Variants in TRIO observed in about 807,000 individuals in gnomAD.
The protein encoded by TRIO is triple functional domain protein.
TRIO carries 58 observed loss-of-function variants against 351.9 expected under a neutral mutation model. The ratio of observed to expected loss-of-function variants is 0.16; its 90% CI spans 0.13 to 0.21. The LOEUF is 0.21. Among genes scored for constraint, TRIO ranks in the 10% least tolerant of loss-of-function variants. The pLI is 1.00. For missense variants in TRIO, 3,201 were observed against 4,027.8 expected, an observed-to-expected ratio of 0.79 and a Z score of 5.56; for synonymous variants, 1,758 against 1,595.7, an observed-to-expected ratio of 1.10 and a Z score of -2.42.
At chr5:14,471,048 T>C (rs1754643958) in intron 37 of TRIO, among the ~76,000 whole-genome samples, 1 of 152,260 alleles carries the variant, frequency 6.6e-6, no homozygotes, top group African/African-American at 2.4e-5. Flanking sequence ...ACATTTCTAC[T>C]TGTTTGATAA....
At chr5:14,353,397 G>A (rs1318707625) in intron 11 of TRIO, among the ~76,000 whole-genome samples, 1 of 151,736 alleles carries the variant, frequency 6.6e-6, no homozygotes, top group Non-Finnish European at 1.5e-5. Context: ...CAAGTAGCTG[G>A]GACTACATGT....
intron 1 of TRIO, among the ~76,000 whole-genome samples, chr5:14,232,954 C>T (rs1465791972): frequency 6.6e-6 from 1 of 152,170 alleles, no homozygotes; most frequent in Admixed American, 6.5e-5. Flanking sequence ...TGTAACTAAA[C>T]AAGCTCCATG....
In TRIO at chr5:14,492,812, C is replaced by G. The variant is rs777241013; in HGVS notation, c.7878C>G (p.Leu2626=). ...AVIVENPDGT[L]KKSTSWHTAL... ...TCGTGGAGAACCCGGACGGGACTCT[C>G]AAGTGAGTGCTTGACAGTAACGGCG... Residue 2626 remains leucine (L), a splice_region_variant and synonymous_variant, in exon 49 of 57, where the codon CTC becomes CTG. Transcript: ENST00000344204. The G allele has an allele frequency of 1.9e-6, 3 of 1,613,124 alleles. No individual in the cohort carries two copies. The highest frequency in any genetic ancestry group is 1.7e-6 in the Non-Finnish European group (2 of 1,179,478).
intron 8 of TRIO, among the ~76,000 whole-genome samples, chr5:14,307,549 G>A (rs1204050943): frequency 6.6e-6 from 1 of 152,186 alleles, no homozygotes; most frequent in Non-Finnish European, 1.5e-5. Flanking sequence ...GTCCTTCTCT[G>A]GGTGTCATCA....
At chr5:14,167,523 GA>G (rs34959941) in intron 1 of TRIO, among the ~76,000 whole-genome samples, 1 of 152,138 alleles carries the variant, frequency 6.6e-6, no homozygotes, top group African/African-American at 2.4e-5. Flanking sequence ...TCTTGTTAAA[GA>G]AAAAGTATTT....
intron 34 of TRIO, among the ~76,000 whole-genome samples, chr5:14,444,649 A>G (rs1442272546): frequency 2.6e-5 from 4 of 152,226 alleles, no homozygotes; most frequent in Admixed American, 2.6e-4. Flanking sequence ...TCCAAAATCT[A>G]CATTGAAGGT....
intron 7 of TRIO, among the ~76,000 whole-genome samples, chr5:14,304,059 A>C (rs1738153127): frequency 6.6e-6 from 1 of 152,168 alleles, no homozygotes; most frequent in African/African-American, 2.4e-5. Flanking sequence ...ATTGAGCCCT[A>C]GTTAAGGGGC....
intron 4 of TRIO, among the ~76,000 whole-genome samples, chr5:14,287,952 T>A (rs1018204325): frequency 2.0e-5 from 3 of 152,250 alleles, no homozygotes; most frequent in Non-Finnish European, 4.4e-5. Context: ...GTTATAATGC[T>A]ATACTTTTCA....
At chr5:14,228,403 G>A (rs1044392049) in intron 1 of TRIO, among the ~76,000 whole-genome samples, 6 of 152,232 alleles carry the variant, frequency 3.9e-5, no homozygotes, top group East Asian at 1.9e-4. Context: ...TTCAGAGTGC[G>A]TATTAGGAAT....
chr5:14,282,561 A>C (rs909179090), intron 3 of TRIO, among the ~76,000 whole-genome samples: 3 of 149,332 alleles, frequency 2.0e-5, no homozygotes, highest in Non-Finnish European at 4.4e-5. Flanking sequence ...TGGATGACCC[A>C]CTTTAAAAAA....
At chr5:14,195,897 G>T (rs1164363411) in intron 1 of TRIO, among the ~76,000 whole-genome samples, 1 of 152,090 alleles carries the variant, frequency 6.6e-6, no homozygotes, top group Non-Finnish European at 1.5e-5. Flanking sequence ...CAGTGTGGGG[G>T]TGGGGAGAGG....
At chr5:14,284,915 G>T (rs750765814) in intron 3 of TRIO, among the ~76,000 whole-genome samples, 3 of 152,172 alleles carry the variant, frequency 2.0e-5, no homozygotes, top group African/African-American at 7.2e-5. Context: ...CCGGGCACCT[G>T]CCTCTTCCTG....
chr5:14,205,858 G>A (rs1390907572), intron 1 of TRIO, among the ~76,000 whole-genome samples: 1 of 151,266 alleles, frequency 6.6e-6, no homozygotes, highest in African/African-American at 2.4e-5. Flanking sequence ...TCAGCCTCCC[G>A]AATAGCTGGA....
intron 46 of TRIO, among the ~76,000 whole-genome samples, chr5:14,484,305 G>A (rs1466371511): frequency 1.3e-5 from 2 of 152,096 alleles, no homozygotes; most frequent in East Asian, 3.8e-4. Flanking sequence ...TTGTTTAATG[G>A]TGTCATTTAC....
chr5:14,339,298 CA>C (rs1741720991), intron 11 of TRIO, among the ~76,000 whole-genome samples: 1 of 152,174 alleles, frequency 6.6e-6, no homozygotes, highest in Non-Finnish European at 1.5e-5. Flanking sequence ...TTTGTAACAG[CA>C]GTGTTTTTAA....
intron 2 of TRIO, among the ~76,000 whole-genome samples, chr5:14,279,765 A>G (rs1229993847): frequency 1.3e-5 from 2 of 152,218 alleles, no homozygotes; most frequent in South Asian, 2.1e-4. Context: ...TCTCACATGC[A>G]TGTGTGTGGT....
chr5:14,367,133 C>T (rs1212910280), intron 16 of TRIO, among the ~76,000 whole-genome samples, 154 bp downstream of exon 16: 2 of 152,094 alleles, frequency 1.3e-5, no homozygotes, highest in African/African-American at 4.8e-5. Flanking sequence ...TCTAAGTCTG[C>T]AGCTGATTAC....
At chr5:14,318,521 T>C (rs1162849994) in intron 9 of TRIO, among the ~76,000 whole-genome samples, 2 of 152,086 alleles carry the variant, frequency 1.3e-5, no homozygotes, top group Non-Finnish European at 2.9e-5. Context: ...GCTTTGATTC[T>C]AATTTTATTT....
chr5:14,215,667 T>G (rs1325585326), intron 1 of TRIO, among the ~76,000 whole-genome samples: 1 of 152,218 alleles, frequency 6.6e-6, no homozygotes, highest in African/African-American at 2.4e-5. Context: ...TGTGAGATCT[T>G]TTAGCTCCAA....
Sources: allele counts gnomAD v4.1 joint callset (sites outside exome capture counted in the v4.1 genomes callset), GRCh38; gene constraint gnomAD v4.1.1; transcripts MANE v1.5; gene names NCBI Gene and HGNC (gene_info 2026-07-23, HGNC 2026-07-21).